Variants in PACSIN2 observed in about 807,000 individuals in gnomAD.
PACSIN2 encodes protein kinase C and casein kinase substrate in neurons protein 2.
In PACSIN2, 25 loss-of-function variants were observed where a neutral mutation model predicts 63.8. The observed-to-expected ratio is 0.39, with a 90% CI of 0.29 to 0.55. The LOEUF is 0.55. PACSIN2 is among the 20% of genes least tolerant of loss of function. The pLI is 0.62. For synonymous variants in PACSIN2, 255 were observed against 256.2 expected (o/e 1.00, Z 0.05); for missense variants, 518 against 646.9 (o/e 0.80, Z 2.16).
chr22:42,920,071 G>A (rs1055135755), intron 1 of PACSIN2, among the ~76,000 whole-genome samples: 13 of 152,088 alleles, frequency 8.5e-5, no homozygotes, highest in African/African-American at 3.1e-4. Context: ...TCATACTGCT[G>A]CACTCCAGGC....
chr22:42,954,945 C>T (rs1933851165), intron 1 of PACSIN2, among the ~76,000 whole-genome samples: 1 of 152,144 alleles, frequency 6.6e-6, no homozygotes. Flanking sequence ...AACGGCACTC[C>T]AGCCACAACA....
intron 2 of PACSIN2, among the ~76,000 whole-genome samples, chr22:42,910,966 G>A (rs998825958): frequency 6.6e-6 from 1 of 151,684 alleles, no homozygotes; most frequent in African/African-American, 2.4e-5. Flanking sequence ...GTGCAGTGGC[G>A]CTGTCTCGGC....
chr22:42,918,214 T>C (rs112198948), intron 1 of PACSIN2, among the ~76,000 whole-genome samples: 116 of 152,290 alleles, frequency 7.6e-4, no homozygotes, highest in African/African-American at 2.4e-3. Context: ...CTCAACCTCA[T>C]AGGGAGTCCA....
chr22:42,913,575 C>T (rs970570027), intron 1 of PACSIN2, among the ~76,000 whole-genome samples: 1 of 151,026 alleles, frequency 6.6e-6, no homozygotes, highest in Admixed American at 6.6e-5. Context: ...TAGAACAATA[C>T]TTGGCCCTTA....
intron 1 of PACSIN2, among the ~76,000 whole-genome samples, chr22:42,947,501 T>TA (rs1304521162): frequency 1.1e-4 from 17 of 152,116 alleles, no homozygotes; most frequent in South Asian, 6.2e-4. Context: ...GGCTCTTCCC[T>TA]ACCCAACAGT....
chr22:42,871,456 G>T lies in PACSIN2; in HGVS notation c.1362C>A (p.Thr454=). 6.2e-7 allele frequency: 1 copy of T among 1,613,546 alleles called. No homozygotes were observed. The change falls in exon 11 of 11, where the codon ACC becomes ACA. Residue 454 remains threonine, a synonymous_variant. Coordinates refer to ENST00000263246, the MANE Select transcript of PACSIN2 (RefSeq NM_001184970.3). The surrounding 1 kb of genome is among the most constrained non-coding windows in gnomAD (Gnocchi z 5.4). ...ELSFKAGDEL[T]KMEDEDEQGW... ...CCTGCTCATCCTCGTCCTCCATCTT[G>T]GTCAGCTCATCCCCTGCAAGACAAA...
chr22:42,970,563 C>T (rs1921178924), intron 1 of PACSIN2, among the ~76,000 whole-genome samples: 1 of 152,138 alleles, frequency 6.6e-6, no homozygotes, highest in Non-Finnish European at 1.5e-5. Context: ...AACTTTTCTG[C>T]ACATATAGAA....
At position 42,970,221 on chromosome 22, in the gene PACSIN2, C is replaced by G. The variant is rs554523330; in HGVS notation, c.-78+44800G>C. Among the ~76,000 whole-genome samples the G allele has an allele frequency of 6.6e-5, 10 of 152,288 alleles. No homozygotes were observed. In the South Asian group the frequency reaches 1.5e-3, roughly 22 times the overall value. The stretch of plus-strand genomic sequence containing the variant: ...AAAAGGAGAACGACTAAAGTAAACC[C>G]GCAAGGTTAACATCACGGTGGTGAG... On this transcript the variant is annotated intron_variant, in intron 1 of 10. Transcript: ENST00000263246.
chr22:42,970,845 C>G (rs1247585576), intron 1 of PACSIN2, among the ~76,000 whole-genome samples: 1 of 152,180 alleles, frequency 6.6e-6, no homozygotes, highest in Non-Finnish European at 1.5e-5. Flanking sequence ...TGGTAACAAG[C>G]AGTGCTGACC....
intron 4 of PACSIN2, among the ~76,000 whole-genome samples, chr22:42,889,123 G>A (rs967058044): frequency 6.6e-6 from 1 of 152,174 alleles, no homozygotes; most frequent in Non-Finnish European, 1.5e-5. Context: ...AGGGCATTAA[G>A]TGTAGGGGAG....
chr22:42,989,887 C>T (rs867323607), intron 1 of PACSIN2, among the ~76,000 whole-genome samples: 29 of 144,152 alleles, frequency 2.0e-4, no homozygotes, highest in Non-Finnish European at 2.4e-4. Flanking sequence ...TATATATATA[C>T]ACACACACAC....
rs184389350 is a variant in PACSIN2, at chr22:43,000,329, C to G, written c.-78+14692G>C. On this transcript the variant is annotated intron_variant, in intron 1 of 10. Transcript: ENST00000263246. ...GCCTTTGTGGGGACTGGTAATTTGC[C>G]AACTCTACCCCAAGGAGAGAACTCC... Among the ~76,000 whole-genome samples, 431 of 152,292 alleles carry G rather than the reference C, an allele frequency of 2.8e-3. 2 individuals are homozygous for G. The highest frequency in any genetic ancestry group is 9.8e-3 in the African/African-American group (408 of 41,558).
At chr22:42,886,415 TGTAGGTAGGTAGGTAGGTAG>T (rs78395694) in intron 5 of PACSIN2, among the ~76,000 whole-genome samples, 1 of 144,868 alleles carries the variant, frequency 6.9e-6, no homozygotes, top group African/African-American at 2.5e-5. Flanking sequence ...ATGGTATGTA[TGTAGGTAGGTAGGTAGGTAG>T]GTAGGTAGGT....
Position 42,869,909 on chromosome 22 carries a change from G to A in PACSIN2, c.*1448C>T, listed in dbSNP as rs1927956474. 6.6e-6 allele frequency: 1 copy of A among 152,446 alleles called. No homozygotes were observed. The highest frequency in any genetic ancestry group is 2.1e-4 in the South Asian group (1 of 4,838). The allele number at this position is 152,446 out of a possible 1,614,324, so 9.4% of individuals were successfully genotyped here. Reference sequence around the variant, plus strand: ...AGGATTTCTGCTGGTAAGTTCTCAGGACAGACACAGACACAGGTCCACTTT... The same window carrying A: ...AGGATTTCTGCTGGTAAGTTCTCAGAACAGACACAGACACAGGTCCACTTT... On this transcript the variant is annotated 3_prime_UTR_variant, in exon 11 of 11. Transcript: ENST00000263246.
At chr22:42,882,351 AC>A (rs755473860) in intron 6 of PACSIN2, 47 bp from the exon 7 acceptor site, 2 of 1,571,302 alleles carry the variant, frequency 1.3e-6, no homozygotes, top group African/African-American at 2.7e-5. Context: ...GGGGCCAGCT[AC>A]CCTTTGTCCC....
chr22:42,888,892 A>C, intron 4 of PACSIN2, 94 bp from the exon 5 acceptor site: 1 of 1,319,940 alleles, frequency 7.6e-7, no homozygotes, highest in Non-Finnish European at 1.1e-6. Context: ...TGTGCTACCA[A>C]GAGGGGAGAA....
Position 42,879,140 on chromosome 22 carries a change from G to T in PACSIN2, c.936C>A (p.Leu312=). The T allele has an allele frequency of 6.2e-7, 1 of 1,614,058 alleles. No homozygotes were observed. Among genetic ancestry groups the T allele is most frequent in the Non-Finnish European group, 8.5e-7 (1 of 1,179,962 alleles). The change falls in exon 8 of 11, where the codon CTC becomes CTA. Residue 312 remains leucine (L), a synonymous_variant. Transcript: ENST00000263246. Reference sequence around the variant, plus strand: ...TGGCCTTCTTCTTCTCTCTCCGGCTGAGGGTTCGATTCAGGTCTGCGGACC... The same window carrying T: ...TGGCCTTCTTCTTCTCTCTCCGGCTTAGGGTTCGATTCAGGTCTGCGGACC... ...EEWSADLNRT[L]SRREKKKATD...
intron 1 of PACSIN2, among the ~76,000 whole-genome samples, chr22:42,948,207 C>A (rs914532529): frequency 6.6e-6 from 1 of 152,128 alleles, no homozygotes; most frequent in African/African-American, 2.4e-5. Context: ...GCTGCTGTGG[C>A]TGTGAAGGAG....
chr22:42,908,932 T>C (rs1194914104), intron 2 of PACSIN2, among the ~76,000 whole-genome samples: 1 of 152,118 alleles, frequency 6.6e-6, no homozygotes, highest in East Asian at 1.9e-4. Context: ...ATAAGCATCT[T>C]CTTTGTGGGA....
Sources: allele counts gnomAD v4.1 joint callset (sites outside exome capture counted in the v4.1 genomes callset), GRCh38; gene constraint gnomAD v4.1.1; non-coding constraint Gnocchi (gnomAD v3.1); transcripts MANE v1.5; gene names NCBI Gene and HGNC (gene_info 2026-07-23, HGNC 2026-07-21).